The following NELL1 variants were observed in gnomAD, a reference collection of about 807,000 sequenced individuals.
NELL1 encodes the protein protein kinase C-binding protein NELL1.
In NELL1, 76 loss-of-function variants were observed where a neutral mutation model predicts 107.4. The ratio of observed to expected loss-of-function variants is 0.71; its 90% confidence interval spans 0.59 to 0.86. NELL1 has a LOEUF of 0.86. Among genes scored for constraint, NELL1 ranks in the 40% least tolerant of loss-of-function variants. The pLI is 0.00. For missense variants in NELL1, 1,024 were observed against 1,005.5 expected, an observed-to-expected ratio of 1.02 and a Z score of -0.25; for synonymous variants, 353 against 341.2, an observed-to-expected ratio of 1.03 and a Z score of -0.38.
chr11:20,891,889 G>A (rs12575511), intron 5 of NELL1, among the ~76,000 whole-genome samples: 33,720 of 152,064 alleles, frequency 0.22, 4,438 homozygotes, highest in African/African-American at 0.33. Flanking sequence ...CCTACAAAGA[G>A]ACTTAGACTC....
At chr11:21,394,928 T>C (rs902958302) in intron 15 of NELL1, among the ~76,000 whole-genome samples, 2 of 151,456 alleles carry the variant, frequency 1.3e-5, no homozygotes, top group East Asian at 2.0e-4. Context: ...TAGTTTCTTA[T>C]ATGTAGGTTA....
intron 4 of NELL1, among the ~76,000 whole-genome samples, chr11:20,875,092 C>T (rs1190589127): frequency 3.9e-5 from 6 of 152,188 alleles, no homozygotes; most frequent in Admixed American, 3.9e-4. Flanking sequence ...TAATTACTTT[C>T]GTCTCATGGT....
At chr11:21,411,357 C>T (rs1333784322) in intron 15 of NELL1, among the ~76,000 whole-genome samples, 8 of 152,028 alleles carry the variant, frequency 5.3e-5, no homozygotes, top group Admixed American at 5.2e-4. Flanking sequence ...TCTGGAAATC[C>T]TGTGTTGAAA....
chr11:20,989,407 A>G (rs1020075677), intron 12 of NELL1, among the ~76,000 whole-genome samples: 1 of 152,196 alleles, frequency 6.6e-6, no homozygotes. Flanking sequence ...ATCATTACAT[A>G]AAAGGCCAGG....
chr11:20,838,407 T>G (rs778702091), intron 3 of NELL1, among the ~76,000 whole-genome samples: 1 of 151,000 alleles, frequency 6.6e-6, no homozygotes, highest in African/African-American at 2.4e-5. Context: ...AAATAAAATA[T>G]AGACTTGGTT....
At chr11:21,180,609 G>A (rs1856807051) in intron 13 of NELL1, among the ~76,000 whole-genome samples, 1 of 151,664 alleles carries the variant, frequency 6.6e-6, no homozygotes, top group Non-Finnish European at 1.5e-5. Context: ...AATTTGAAGG[G>A]AGATTTTTGT....
intron 15 of NELL1, among the ~76,000 whole-genome samples, chr11:21,379,063 G>GT (rs1034460565): frequency 7.2e-5 from 11 of 151,872 alleles, no homozygotes; most frequent in Non-Finnish European, 1.5e-4. Context: ...CAATTAATCA[G>GT]TTTTTTTGGT....
chr11:21,091,872 C>T (rs906070338), intron 12 of NELL1, among the ~76,000 whole-genome samples: 1 of 152,190 alleles, frequency 6.6e-6, no homozygotes, highest in Non-Finnish European at 1.5e-5. Context: ...GGTGATTCTT[C>T]TCTCAGGGTA....
chr11:20,713,346 G>A (rs77743930), intron 2 of NELL1, among the ~76,000 whole-genome samples: 2 of 152,068 alleles, frequency 1.3e-5, no homozygotes, highest in African/African-American at 2.4e-5. Context: ...TGCAGCCACT[G>A]TGAGGGCTGG....
intron 13 of NELL1, among the ~76,000 whole-genome samples, chr11:21,210,749 C>T (rs909848957): frequency 6.6e-6 from 1 of 152,086 alleles, no homozygotes; most frequent in African/African-American, 2.4e-5. Context: ...TTTTCTCCAC[C>T]CACAAAATCA....
At chr11:21,522,415 C>T (rs753159922) in intron 15 of NELL1, among the ~76,000 whole-genome samples, 2 of 152,108 alleles carry the variant, frequency 1.3e-5, no homozygotes, top group Non-Finnish European at 2.9e-5. Context: ...TTTGCAGCAA[C>T]ATAGATGAAA....
chr11:21,421,250 G>A (rs1192533535), intron 15 of NELL1, among the ~76,000 whole-genome samples: 1 of 152,134 alleles, frequency 6.6e-6, no homozygotes, highest in Non-Finnish European at 1.5e-5. Flanking sequence ...GATTACACTG[G>A]CCAAATCTTT....
Position 21,575,231 on chromosome 11 carries a change from C to G in NELL1, c.*209C>G. 1 of 529,994 alleles carries G rather than the reference C, an allele frequency of 1.9e-6. No homozygotes were observed. The highest frequency in any genetic ancestry group is 3.4e-6 in the Non-Finnish European group (1 of 294,140). The allele number at this position is 529,994 out of a possible 1,614,324, so 32.8% of individuals were successfully genotyped here. ...TTGCTAACCTAGTCTAGGTGACCTACAGTGCCGTGCATTTAAGTCAATGGT... is the reference window on the plus strand; with the variant it reads ...TTGCTAACCTAGTCTAGGTGACCTAGAGTGCCGTGCATTTAAGTCAATGGT... On this transcript the variant is annotated 3_prime_UTR_variant, in exon 20 of 20. Coordinates refer to ENST00000357134, the MANE Select transcript of NELL1 (RefSeq NM_006157.5).
Position 20,750,921 on chromosome 11 carries a change from G to T in NELL1, c.185-32759G>T, listed in dbSNP as rs181320659. Among the ~76,000 whole-genome samples the T allele has an allele frequency of 1.7e-3, 256 of 152,248 alleles. 1 individual carries two copies. Among genetic ancestry groups the T allele is most frequent in the African/African-American group, 5.8e-3 (241 of 41,570 alleles). On this transcript the variant is annotated intron_variant, in intron 2 of 19. Coordinates refer to ENST00000357134, the MANE Select transcript of NELL1 (RefSeq NM_006157.5). Reference sequence around the variant, plus strand: ...ATTTTTGTGTGTGATATAAAATAATGGTTGGGGTTCAGCTTTTAAAACACA... The same window carrying T: ...ATTTTTGTGTGTGATATAAAATAATTGTTGGGGTTCAGCTTTTAAAACACA...
At chr11:21,133,790 T>G (rs1246774960) in intron 13 of NELL1, among the ~76,000 whole-genome samples, 2 of 152,022 alleles carry the variant, frequency 1.3e-5, no homozygotes, top group African/African-American at 4.8e-5. Context: ...CCTTCAGGGG[T>G]ACAGGGGCTT....
At chr11:21,474,774 C>G (rs1590960354) in intron 15 of NELL1, among the ~76,000 whole-genome samples, 1 of 152,282 alleles carries the variant, frequency 6.6e-6, no homozygotes, top group Non-Finnish European at 1.5e-5. Context: ...AAAACCTAAT[C>G]TGTGTTGTCA....
At chr11:21,543,452 C>G (rs1395068584) in intron 16 of NELL1, among the ~76,000 whole-genome samples, 2 of 152,042 alleles carry the variant, frequency 1.3e-5, no homozygotes, top group East Asian at 3.9e-4. Context: ...GAGACCAAGA[C>G]CCAGACACCA....
intron 13 of NELL1, among the ~76,000 whole-genome samples, chr11:21,209,631 A>G (rs758775825): frequency 2.6e-5 from 4 of 152,098 alleles, no homozygotes; most frequent in Non-Finnish European, 5.9e-5. Flanking sequence ...GTTTTACCCC[A>G]TTAAAGTATA....
At chr11:21,340,764 A>G (rs564243656) in intron 14 of NELL1, among the ~76,000 whole-genome samples, 17 of 152,214 alleles carry the variant, frequency 1.1e-4, no homozygotes, top group Admixed American at 1.3e-4. Context: ...GATTGTGAAG[A>G]TGGGAGAGAT....
Sources: gnomAD v4.1 joint callset for allele counts (sites outside exome capture counted in the v4.1 genomes callset) on GRCh38, gnomAD v4.1.1 for gene constraint, MANE v1.5 for transcripts, NCBI Gene and HGNC (gene_info 2026-07-23, HGNC 2026-07-21) for gene names.